Variants in SSBP3 observed in about 807,000 individuals in gnomAD.
SSBP3 encodes single stranded DNA binding protein 3.
Under a neutral mutation model 69.6 loss-of-function variants are expected in SSBP3, and 5 were observed. The observed-to-expected ratio is 0.07, with a 90% CI of 0.04 to 0.15. The LOEUF is 0.15. Among genes scored for constraint, SSBP3 ranks in the 10% least tolerant of loss-of-function variants. The pLI, the probability that SSBP3 is intolerant of heterozygous loss-of-function variation, is 1.00. For missense variants in SSBP3, 312 were observed against 534.0 expected (o/e 0.58, Z 4.10); for synonymous variants, 196 against 193.4 (o/e 1.01, Z -0.11).
chr1:54,264,692 G>C (rs1645070708), intron 5 of SSBP3, among the ~76,000 whole-genome samples: 1 of 152,234 alleles, frequency 6.6e-6, no homozygotes, highest in South Asian at 2.1e-4. Flanking sequence ...CACGAAAGCT[G>C]TGAGAGTTCT....
intron 14 of SSBP3, among the ~76,000 whole-genome samples, chr1:54,231,959 G>T (rs1644386813): frequency 6.6e-6 from 1 of 152,166 alleles, no homozygotes; most frequent in Non-Finnish European, 1.5e-5. Flanking sequence ...CTCCCAAAGT[G>T]CTAGGATTAT....
chr1:54,261,553 G>A (rs765143550), intron 5 of SSBP3, among the ~76,000 whole-genome samples: 3 of 152,198 alleles, frequency 2.0e-5, no homozygotes, highest in Non-Finnish European at 2.9e-5. Context: ...GTGAGAGGAG[G>A]AGGGAGTCTC....
At chr1:54,340,308 C>T (rs996541789) in intron 4 of SSBP3, among the ~76,000 whole-genome samples, 4 of 152,196 alleles carry the variant, frequency 2.6e-5, no homozygotes, top group Non-Finnish European at 4.4e-5. Context: ...CAAAGGGAGT[C>T]GGTATCCCCG....
intron 4 of SSBP3, among the ~76,000 whole-genome samples, chr1:54,367,693 G>A (rs1647051055): frequency 6.6e-6 from 1 of 152,168 alleles, no homozygotes; most frequent in African/African-American, 2.4e-5. Flanking sequence ...CCCCACCTTT[G>A]CTAGGAGCAA....
chr1:54,369,200 G>GA (rs1307281509), intron 4 of SSBP3, among the ~76,000 whole-genome samples: 1 of 136,588 alleles, frequency 7.3e-6, no homozygotes, highest in Non-Finnish European at 1.5e-5. Context: ...TTGCACATGG[G>GA]AAAAAGTCCT....
chr1:54,276,567 C>T (rs1459871598), intron 5 of SSBP3, among the ~76,000 whole-genome samples: 1 of 141,612 alleles, frequency 7.1e-6, no homozygotes, highest in Non-Finnish European at 1.5e-5. Flanking sequence ...GCCGAGATCG[C>T]CACTGCCCTC....
At chr1:54,369,895 T>C (rs1457562041) in intron 4 of SSBP3, among the ~76,000 whole-genome samples, 1 of 152,046 alleles carries the variant, frequency 6.6e-6, no homozygotes, top group Non-Finnish European at 1.5e-5. Flanking sequence ...CCCTGCTGCC[T>C]CTCTCGGGAT....
intron 4 of SSBP3, among the ~76,000 whole-genome samples, chr1:54,400,128 T>C (rs941949691): frequency 1.3e-5 from 2 of 152,184 alleles, no homozygotes; most frequent in African/African-American, 4.8e-5. Context: ...CAAACTTTCA[T>C]GGCCGCCATA....
intron 11 of SSBP3, 152 bp from the exon 12 acceptor site, chr1:54,241,661 G>A (rs1353842710): frequency 7.8e-6 from 6 of 770,396 alleles, no homozygotes; most frequent in Admixed American, 2.1e-5. Flanking sequence ...GGGCTGGGAC[G>A]TGGCTGAAGC....
chr1:54,385,579 C>G (rs1333909634), intron 4 of SSBP3, among the ~76,000 whole-genome samples: 1 of 152,158 alleles, frequency 6.6e-6, no homozygotes, highest in Non-Finnish European at 1.5e-5. Context: ...GAACATACCC[C>G]AGTCCACCAT....
chr1:54,404,439 G>T, intron 3 of SSBP3, 137 bp downstream of exon 3: 1 of 977,478 alleles, frequency 1.0e-6, no homozygotes, highest in Non-Finnish European at 1.6e-6. Flanking sequence ...GGGCCGGAGT[G>T]CCTCGAGGTG....
rs576773490 is a variant in SSBP3, at chr1:54,291,598, G to A, written c.277-10071C>T. 2.6e-3 allele frequency among the ~76,000 whole-genome samples: 391 copies of A among 152,342 alleles called. 3 individuals are homozygous for A. The highest frequency in any genetic ancestry group is 9.1e-3 in the African/African-American group (380 of 41,574). On this transcript the variant is annotated intron_variant, in intron 4 of 17. Coordinates refer to ENST00000610401, the Ensembl canonical transcript of SSBP3. The stretch of plus-strand genomic sequence containing the variant: ...CGTCCCCCACTCTGAGTCAACCAGC[G>A]TCCTTTGGTACTGCTGGAGAGATGC...
chr1:54,233,334 C>A (rs1383694882), intron 14 of SSBP3, among the ~76,000 whole-genome samples: 2 of 145,440 alleles, frequency 1.4e-5, no homozygotes, highest in Admixed American at 6.8e-5. Flanking sequence ...AGGTGAGGAG[C>A]GTCTCTGCCC....
At chr1:54,313,677 G>A (rs139235102) in intron 4 of SSBP3, among the ~76,000 whole-genome samples, 33 of 151,750 alleles carry the variant, frequency 2.2e-4, no homozygotes, top group African/African-American at 7.5e-4. Context: ...TCACTTCTGT[G>A]CAGTGCTCGT....
At chr1:54,260,720 C>CCCCAG (rs1462810035) in intron 5 of SSBP3, among the ~76,000 whole-genome samples, 1 of 151,652 alleles carries the variant, frequency 6.6e-6, no homozygotes, top group African/African-American at 2.4e-5. Context: ...GTCAGGGAGG[C>CCCCAG]CCCAGCCCAG....
intron 15 of SSBP3, 115 bp from the exon 16 acceptor site, chr1:54,228,592 C>T (rs556047782): frequency 1.4e-5 from 21 of 1,505,514 alleles, no homozygotes; most frequent in African/African-American, 8.3e-5. Flanking sequence ...CCACACTGTG[C>T]GGAGGGCTTT....
chr1:54,325,168 C>T (rs559862240), intron 4 of SSBP3, among the ~76,000 whole-genome samples: 153 of 152,282 alleles, frequency 1.0e-3, no homozygotes, highest in African/African-American at 3.5e-3. Context: ...GCATCTGGGC[C>T]CAGGACCTCA....
chr1:54,236,341 TC>T (rs1206159038), intron 14 of SSBP3: 1 of 152,236 alleles, frequency 6.6e-6, no homozygotes, highest in East Asian at 1.9e-4. Context: ...GGTCTTTAAC[TC>T]CCGACGGACC....
intron 4 of SSBP3, among the ~76,000 whole-genome samples, chr1:54,396,065 G>A (rs1030660741): frequency 6.6e-6 from 1 of 151,782 alleles, no homozygotes; most frequent in Non-Finnish European, 1.5e-5. Flanking sequence ...GGTGGCACGC[G>A]CCTGTAATCC....
Sources: gnomAD v4.1 joint callset for allele counts (sites outside exome capture counted in the v4.1 genomes callset) on GRCh38, gnomAD v4.1.1 for gene constraint, MANE v1.5 for transcripts, NCBI Gene and HGNC (gene_info 2026-07-23, HGNC 2026-07-21) for gene names.